Variants in USP33 observed in about 807,000 individuals in gnomAD.
USP33 encodes ubiquitin carboxyl-terminal hydrolase 33.
In USP33, 46 loss-of-function variants were observed where a neutral mutation model predicts 124.2. The observed-to-expected ratio is 0.37, with a 90% CI of 0.29 to 0.47. USP33 has a LOEUF of 0.47. USP33 is among the 20% of genes least tolerant of loss of function. The probability of loss-of-function intolerance (pLI) is 0.99; values close to 1 mark genes in which losing one functional copy is unlikely to be tolerated. For missense variants in USP33, 851 were observed against 1,070.6 expected (o/e 0.79, Z 2.86); for synonymous variants, 350 against 352.3 (o/e 0.99, Z 0.07).
At chr1:77,709,772 C>T (rs915943391) in intron 21 of USP33, among the ~76,000 whole-genome samples, 3 of 150,672 alleles carry the variant, frequency 2.0e-5, no homozygotes, top group Non-Finnish European at 4.4e-5. Context: ...AACATATAGA[C>T]ATATATATAT....
intron 21 of USP33, among the ~76,000 whole-genome samples, chr1:77,705,284 T>A (rs1169471384): frequency 6.6e-6 from 1 of 151,630 alleles, no homozygotes; most frequent in Non-Finnish European, 1.5e-5. Context: ...AATCTCCACC[T>A]CCCCAATTCA....
At chr1:77,720,178 A>AC (rs1676418464) in intron 15 of USP33, 3 of 401,408 alleles carry the variant, frequency 7.5e-6, no homozygotes, top group Non-Finnish European at 6.7e-6. Flanking sequence ...AAAAAAAAAA[A>AC]AAAAAAAAAA....
intron 22 of USP33, among the ~76,000 whole-genome samples, chr1:77,698,701 C>T (rs1008670007): frequency 2.0e-4 from 31 of 151,556 alleles, no homozygotes; most frequent in Admixed American, 4.6e-4. Flanking sequence ...GGGGTTTCAC[C>T]GTGTTAGCCA....
At chr1:77,718,196 T>C in intron 16 of USP33, 149 bp from the exon 17 acceptor site, 1 of 759,318 alleles carries the variant, frequency 1.3e-6, no homozygotes, top group Non-Finnish European at 2.0e-6. Flanking sequence ...AGATTTTTAT[T>C]TCGTTTTAAA....
intron 18 of USP33, 115 bp downstream of exon 18, chr1:77,715,627 T>G: frequency 3.3e-6 from 4 of 1,219,108 alleles, no homozygotes; most frequent in Non-Finnish European, 4.5e-6. Context: ...TGTAATGAAA[T>G]AGGAGGAAAA....
At chr1:77,719,435 T>C (rs1644755355) in intron 15 of USP33, among the ~76,000 whole-genome samples, 1 of 152,138 alleles carries the variant, frequency 6.6e-6, no homozygotes, top group African/African-American at 2.4e-5. Flanking sequence ...TTGATGAAAA[T>C]TGTTTTGTTT....
intron 12 of USP33, among the ~76,000 whole-genome samples, chr1:77,722,832 A>T (rs894243184): frequency 7.9e-5 from 12 of 152,258 alleles, no homozygotes; most frequent in Non-Finnish European, 1.8e-4. Flanking sequence ...AAGTGTTATT[A>T]AAAAATTCAT....
In USP33 at chr1:77,714,613, C is replaced by T; in HGVS notation, c.2215+1G>A. 1 of 1,611,426 alleles carries T rather than the reference C, an allele frequency of 6.2e-7. No homozygotes were observed. The highest frequency in any genetic ancestry group is 8.5e-7 in the Non-Finnish European group (1 of 1,179,466). On this transcript the variant is annotated splice_donor_variant, in intron 19 of 23. Transcript: ENST00000370794. LOFTEE classifies it high-confidence loss of function. ...CCGGTTTGCATTACAGGAGTTCTTA[C>T]CTCCATGAATACAAAGAAAGTCATT...
At chr1:77,698,930 A>G (rs978336274) in intron 22 of USP33, among the ~76,000 whole-genome samples, 1 of 152,248 alleles carries the variant, frequency 6.6e-6, no homozygotes, top group Non-Finnish European at 1.5e-5. Context: ...TCAAAGTAAC[A>G]TTAAGAACAA....
At chr1:77,705,673 A>G (rs1261869461) in intron 21 of USP33, among the ~76,000 whole-genome samples, 4 of 152,060 alleles carry the variant, frequency 2.6e-5, no homozygotes, top group Non-Finnish European at 4.4e-5. Flanking sequence ...GCTTTAAAAA[A>G]AAAAAAAAAA....
intron 19 of USP33, among the ~76,000 whole-genome samples, chr1:77,713,949 T>C (rs1461982061): frequency 1.3e-5 from 2 of 152,376 alleles, no homozygotes; most frequent in Admixed American, 1.3e-4. Context: ...TTAAAATTTC[T>C]ATGTCCAATA....
chr1:77,716,377 C>G (rs1033039684), intron 17 of USP33, among the ~76,000 whole-genome samples: 1 of 152,106 alleles, frequency 6.6e-6, no homozygotes, highest in Non-Finnish European at 1.5e-5. Flanking sequence ...GTCCCACAGA[C>G]CCTGACCCAA....
intron 1 of USP33, among the ~76,000 whole-genome samples, chr1:77,755,714 A>T (rs1300554474): frequency 6.6e-6 from 1 of 152,210 alleles, no homozygotes; most frequent in Non-Finnish European, 1.5e-5. Context: ...AAAATATATA[A>T]GAAATTCCTC....
Position 77,736,139 on chromosome 1 carries a change from T to C in USP33, c.371A>G (p.Asn124Ser). 6.2e-7 allele frequency: 1 copy of C among 1,610,932 alleles called. No homozygotes were observed. The highest frequency in any genetic ancestry group is 8.5e-7 in the Non-Finnish European group (1 of 1,178,368). Residue 124 changes from asparagine (N) to serine (S), a missense_variant, in exon 6 of 24, where the codon AAT becomes AGT. Physicochemically the swap from Asn to Ser is conservative, Grantham distance 46 (BLOSUM62 1). Coordinates refer to ENST00000370794, the MANE Select transcript of USP33 (RefSeq NM_201624.3). Reference protein sequence around the residue: ...NSVQDFKIPSNTTLKTPLVAV... With the variant: ...NSVQDFKIPSSTTLKTPLVAV... ...AACCAGAGGAGTTTTTAATGTTGTA[T>C]TACTGGGTATTTTAAAATCCTTGAT...
At chr1:77,699,479 TC>T (rs1168361847) in intron 22 of USP33, among the ~76,000 whole-genome samples, 2 of 152,096 alleles carry the variant, frequency 1.3e-5, no homozygotes, top group Non-Finnish European at 2.9e-5. Context: ...ATCACGCCAC[TC>T]CACTCCAGCC....
chr1:77,697,986 A>G, intron 22 of USP33, 55 bp from the exon 23 acceptor site: 1 of 1,501,112 alleles, frequency 6.7e-7, no homozygotes, highest in Non-Finnish European at 9.1e-7. Context: ...AAAAAATTGC[A>G]TAATTTTGTG....
Position 77,728,631 on chromosome 1 carries a change from G to C in USP33, c.799C>G (p.Pro267Ala), listed in dbSNP as rs771996872. The change falls in exon 10 of 24, where the codon CCG becomes GCG. Residue 267 changes from proline (P) to alanine (A), a missense_variant. Pro to Ala is a conservative substitution (Grantham distance 27). Around this residue, in one of 4 missense-constraint regions of USP33, gnomAD observed 207 missense variants for 200.9 expected, o/e 1.03. Coordinates refer to ENST00000370794, the MANE Select transcript of USP33 (RefSeq NM_201624.3). ...KEQVMEVEED[P>A]QTITTEETME... ...GTCTCCTCAGTGGTTATGGTTTGCGGATCTTCTTCTACTTCCATGACTTGC... is the reference window on the plus strand; with the variant it reads ...GTCTCCTCAGTGGTTATGGTTTGCGCATCTTCTTCTACTTCCATGACTTGC... 1 of 1,613,960 alleles carries C rather than the reference G, an allele frequency of 6.2e-7. No homozygotes were observed. The highest frequency in any genetic ancestry group is 1.3e-5 in the African/African-American group (1 of 74,924).
chr1:77,710,495 A>G (rs1401596351), intron 21 of USP33, among the ~76,000 whole-genome samples: 1 of 152,254 alleles, frequency 6.6e-6, no homozygotes, highest in Admixed American at 6.5e-5. Flanking sequence ...ACTATTTTTA[A>G]TATTCAACTA....
rs757533830 is a variant in USP33, at chr1:77,697,489, G to T, written c.2579-15C>A. ...AGAATCTGCTCCTTAAAATTACGTA[G>T]AAGAAATAATGTTTACAAACCTATA... On this transcript the variant is annotated splice_polypyrimidine_tract_variant and intron_variant, in intron 23 of 23. Coordinates refer to ENST00000370794, the MANE Select transcript of USP33 (RefSeq NM_201624.3). 5 of 1,586,122 alleles carry T rather than the reference G, an allele frequency of 3.2e-6. No individual in the cohort carries two copies. The highest frequency in any genetic ancestry group is 1.9e-5 in the Admixed American group (1 of 51,682).
Sources: allele counts gnomAD v4.1 joint callset (sites outside exome capture counted in the v4.1 genomes callset), GRCh38; gene constraint gnomAD v4.1.1; regional missense constraint gnomAD v4.1.1; transcripts MANE v1.5; gene names NCBI Gene and HGNC (gene_info 2026-07-23, HGNC 2026-07-21).